BNC2: variants seen among roughly 807,000 people sequenced by gnomAD.
BNC2 encodes zinc finger protein basonuclin-2.
BNC2 carries 20 observed loss-of-function variants against 76.3 expected under a neutral mutation model. The observed-to-expected ratio is 0.26, with a 90% CI of 0.18 to 0.38. The LOEUF is 0.38. BNC2 is among the 10% of genes least tolerant of loss of function. The pLI is 1.00. For missense variants in BNC2, 1,382 were observed against 1,399.8 expected, an observed-to-expected ratio of 0.99 and a Z score of 0.20; for synonymous variants, 582 against 514.8, an observed-to-expected ratio of 1.13 and a Z score of -1.77.
chr9:16,427,533 C>A (rs1820825809), intron 6 of BNC2, among the ~76,000 whole-genome samples: 1 of 152,194 alleles, frequency 6.6e-6, no homozygotes, highest in African/African-American at 2.4e-5. Context: ...CAGCTCTGGA[C>A]CTTGCCAACT....
chr9:16,528,884 T>C (rs1218244879), intron 5 of BNC2, among the ~76,000 whole-genome samples: 1 of 152,194 alleles, frequency 6.6e-6, no homozygotes, highest in Admixed American at 6.5e-5. Flanking sequence ...ACCAAATTAC[T>C]ACCACCGTAG....
At chr9:16,553,843 C>T (rs1412137373) in intron 4 of BNC2, among the ~76,000 whole-genome samples, 1 of 152,138 alleles carries the variant, frequency 6.6e-6, no homozygotes, top group Non-Finnish European at 1.5e-5. Context: ...AGCAATAACA[C>T]TGTCTTATCT....
In BNC2 at chr9:16,436,868, G is replaced by C; in HGVS notation, c.1326C>G (p.Phe442Leu). The C allele has an allele frequency of 1.2e-6, 2 of 1,614,108 alleles. No individual in the cohort carries two copies. Among genetic ancestry groups the C allele is most frequent in the Non-Finnish European group, 1.7e-6 (2 of 1,180,026 alleles). Residue 442 changes from phenylalanine (F) to leucine (L), a missense_variant, in exon 6 of 7, where the codon TTC (phenylalanine) becomes TTG (leucine). Physicochemically the swap from Phe to Leu is conservative, Grantham distance 22. This residue lies in a region of BNC2 where 27 missense variants were observed against 83.4 expected (regional missense o/e 0.32). Transcript: ENST00000380672. ...AGAATGTCTTCCCACATGCATTACA[G>C]AACACTCTTCCTTTCCTAGAGGCTG... ...MGSASRKGRV[F>L]CNACGKTFYD...
At chr9:16,717,443 A>C (rs975103123) in intron 3 of BNC2, among the ~76,000 whole-genome samples, 9 of 152,228 alleles carry the variant, frequency 5.9e-5, no homozygotes, top group African/African-American at 1.9e-4. Context: ...ACTTCATTAC[A>C]TTCATGTTAA....
At chr9:16,425,417 G>A (rs1203447429) in intron 6 of BNC2, among the ~76,000 whole-genome samples, 4 of 152,056 alleles carry the variant, frequency 2.6e-5, no homozygotes, top group East Asian at 1.9e-4. Flanking sequence ...TGCCATCCCC[G>A]TATGGCCCCT....
At chr9:16,497,838 G>A (rs558540705) in intron 5 of BNC2, among the ~76,000 whole-genome samples, 1 of 152,054 alleles carries the variant, frequency 6.6e-6, no homozygotes, top group South Asian at 2.1e-4. Context: ...TCATATCTGT[G>A]AACAGATAAA....
Position 16,410,639 on chromosome 9 carries a change from G to A in BNC2, c.*8350C>T, listed in dbSNP as rs1033902165. ...CGTTATGCAAACCCTGGACAGGGTAGAACACGTTTCCAAAGCAATTAAAAC... is the reference window on the plus strand; with the variant it reads ...CGTTATGCAAACCCTGGACAGGGTAAAACACGTTTCCAAAGCAATTAAAAC... On this transcript the variant is annotated 3_prime_UTR_variant, in exon 7 of 7. Transcript: ENST00000380672. The A allele has an allele frequency of 6.6e-6, 1 of 152,586 alleles. No homozygotes were observed. Among genetic ancestry groups the A allele is most frequent in the Admixed American group, 6.5e-5 (1 of 15,286 alleles). 9.5% of individuals were successfully genotyped at this position (152,586 alleles called of 1,614,324 possible).
intron 1 of BNC2, among the ~76,000 whole-genome samples, chr9:16,856,195 C>G (rs1819251190): frequency 6.6e-6 from 1 of 152,036 alleles, no homozygotes; most frequent in Admixed American, 6.5e-5. Flanking sequence ...ACCTTCTATT[C>G]TGCCTTCTAC....
intron 1 of BNC2, among the ~76,000 whole-genome samples, chr9:16,807,556 G>C (rs1364680059): frequency 6.6e-6 from 1 of 152,152 alleles, no homozygotes; most frequent in Non-Finnish European, 1.5e-5. Context: ...AGGAGGTGGA[G>C]GGAGGGGAGG....
At chr9:16,559,894 A>C (rs988930063) in intron 4 of BNC2, among the ~76,000 whole-genome samples, 3 of 152,256 alleles carry the variant, frequency 2.0e-5, no homozygotes, top group Non-Finnish European at 4.4e-5. Flanking sequence ...TCAAAAGCAG[A>C]CAGATGTAGG....
At chr9:16,625,475 A>G (rs1820967870) in intron 3 of BNC2, among the ~76,000 whole-genome samples, 1 of 152,118 alleles carries the variant, frequency 6.6e-6, no homozygotes. Context: ...CTTGCTACTC[A>G]GGGAACTCCC....
chr9:16,600,779 G>C (rs977517761), intron 3 of BNC2, among the ~76,000 whole-genome samples: 1 of 152,052 alleles, frequency 6.6e-6, no homozygotes, highest in East Asian at 1.9e-4. Flanking sequence ...TAAAGAGCTA[G>C]GGTTATACAT....
intron 3 of BNC2, among the ~76,000 whole-genome samples, chr9:16,635,894 G>C (rs1296889694): frequency 2.0e-5 from 3 of 152,160 alleles, no homozygotes; most frequent in African/African-American, 7.2e-5. Context: ...ATATGGCAAA[G>C]GGTAGGATGG....
intron 1 of BNC2, among the ~76,000 whole-genome samples, chr9:16,781,524 G>A (rs916146915): frequency 6.6e-6 from 1 of 152,168 alleles, no homozygotes; most frequent in Non-Finnish European, 1.5e-5. Flanking sequence ...TTGTATTTTA[G>A]TAGAGACGGG....
At chr9:16,573,685 G>A (rs1255498165) in intron 4 of BNC2, among the ~76,000 whole-genome samples, 1 of 152,154 alleles carries the variant, frequency 6.6e-6, no homozygotes, top group Non-Finnish European at 1.5e-5. Flanking sequence ...GTACCAGGGA[G>A]CAGCTGAACG....
chr9:16,412,717 AGGGGAG>A lies in BNC2; in HGVS notation c.*6266_*6271del, dbSNP rs1820489867. ...GAGAATAAGAGGGAAGGAGAGAGAG[AGGGGAG>A]AGAGAGAGAGAGAGAGAGAGAGAGA... On this transcript the variant is annotated 3_prime_UTR_variant, in exon 7 of 7. Transcript: ENST00000380672. 9.2e-6 allele frequency: 1 copy of A among 108,192 alleles called. No homozygotes were observed. Among genetic ancestry groups the A allele is most frequent in the East Asian group, 2.8e-4 (1 of 3,588 alleles). The allele number at this position is 108,192 out of a possible 1,614,324, so 6.7% of individuals were successfully genotyped here.
chr9:16,781,913 A>C (rs978981256), intron 1 of BNC2, among the ~76,000 whole-genome samples: 28 of 152,318 alleles, frequency 1.8e-4, no homozygotes, highest in African/African-American at 3.1e-4. Flanking sequence ...CAAAGATGGA[A>C]AGGAGAAAAC....
intron 3 of BNC2, among the ~76,000 whole-genome samples, chr9:16,707,545 A>G (rs1469798911): frequency 4.6e-5 from 7 of 152,218 alleles, no homozygotes; most frequent in Admixed American, 3.9e-4. Flanking sequence ...CCATGGTAAT[A>G]TATCTCCTCT....
intron 5 of BNC2, among the ~76,000 whole-genome samples, chr9:16,478,662 T>C (rs980832390): frequency 1.3e-5 from 2 of 152,168 alleles, no homozygotes; most frequent in Non-Finnish European, 1.5e-5. Flanking sequence ...GAAAGGACCA[T>C]TAGATGTTGT....
Sources: allele counts gnomAD v4.1 joint callset (sites outside exome capture counted in the v4.1 genomes callset), GRCh38; gene constraint gnomAD v4.1.1; regional missense constraint gnomAD v4.1.1; transcripts MANE v1.5; gene names NCBI Gene and HGNC (gene_info 2026-07-23, HGNC 2026-07-21).